Variants in NEDD4L observed in about 807,000 individuals in gnomAD.
NEDD4L encodes NEDD4 like E3 ubiquitin protein ligase.
NEDD4L carries 54 observed loss-of-function variants against 148.9 expected under a neutral mutation model. The observed-to-expected ratio is 0.36, with a 90% CI of 0.29 to 0.45. The LOEUF is 0.45. NEDD4L is among the 20% of genes least tolerant of loss of function. The pLI is 1.00. For missense variants in NEDD4L, 856 were observed against 1,233.8 expected (o/e 0.69, Z 4.59); for synonymous variants, 433 against 440.7 (o/e 0.98, Z 0.22).
At chr18:58,184,636 A>C (rs73450404) in intron 2 of NEDD4L, among the ~76,000 whole-genome samples, 1 of 152,190 alleles carries the variant, frequency 6.6e-6, no homozygotes, top group South Asian at 2.1e-4. Flanking sequence ...GGTTTAAGAA[A>C]GTGTTCTCCT....
At chr18:58,326,315 C>A (rs2059307653) in intron 9 of NEDD4L, among the ~76,000 whole-genome samples, 1 of 152,202 alleles carries the variant, frequency 6.6e-6, no homozygotes. Context: ...CTTTAGACTA[C>A]CCAGCACGGG....
intron 5 of NEDD4L, among the ~76,000 whole-genome samples, chr18:58,257,260 G>A (rs538373935): frequency 6.6e-6 from 1 of 152,208 alleles, no homozygotes; most frequent in Admixed American, 6.5e-5. Flanking sequence ...ATAGGTGAAC[G>A]TAAAGTTTAG....
At position 58,366,092 on chromosome 18, in the gene NEDD4L, G is replaced by A; in HGVS notation, c.1927G>A (p.Val643Ile). ...AATTATGTCCGTGAAAAGACCAGATGTCCTAAAAGCTAGACTGTGGATTGA... is the reference window on the plus strand; with the variant it reads ...AATTATGTCCGTGAAAAGACCAGATATCCTAAAAGCTAGACTGTGGATTGA... ...RRIMSVKRPD[V>I]LKARLWIEFE... Residue 643 changes from valine to isoleucine, a missense_variant, in exon 21 of 31, where the codon GTC becomes ATC. Physicochemically the swap from Val to Ile is conservative, Grantham distance 29 (BLOSUM62 3). Around this residue, in one of 4 missense-constraint regions of NEDD4L, gnomAD observed 286 missense variants for 531.8 expected, o/e 0.54. Coordinates refer to ENST00000400345, the MANE Select transcript of NEDD4L (RefSeq NM_001144967.3). This position sits in a 1 kb window ranked among gnomAD's most constrained non-coding sequence, Gnocchi z 4.2. The A allele has an allele frequency of 6.2e-7, 1 of 1,613,562 alleles. No homozygotes were observed. The highest frequency in any genetic ancestry group is 2.2e-5 in the East Asian group (1 of 44,888).
chr18:58,265,119 G>T (rs2050037509), intron 5 of NEDD4L, among the ~76,000 whole-genome samples: 1 of 151,934 alleles, frequency 6.6e-6, no homozygotes, highest in Non-Finnish European at 1.5e-5. Context: ...GGCAAGACTG[G>T]AACTAGATGC....
chr18:58,311,178 T>G (rs117045844), intron 5 of NEDD4L, among the ~76,000 whole-genome samples: 2,620 of 152,362 alleles, frequency 0.017, 34 homozygotes, highest in Middle Eastern at 0.031. Context: ...CACACATTTA[T>G]GTATGCATGT....
intron 24 of NEDD4L, among the ~76,000 whole-genome samples, chr18:58,373,548 T>G (rs1332123804): frequency 6.6e-6 from 1 of 152,254 alleles, no homozygotes; most frequent in Non-Finnish European, 1.5e-5. Context: ...ATGTTTCATT[T>G]GTGCCTCGGT....
chr18:58,248,724 T>A (rs899646656), intron 3 of NEDD4L, among the ~76,000 whole-genome samples, 175 bp from the exon 4 acceptor site: 10 of 152,196 alleles, frequency 6.6e-5, no homozygotes, highest in African/African-American at 2.4e-4. Context: ...GTTTCATAAA[T>A]ACATTCCCTC....
At chr18:58,052,276 G>C (rs1368529600) in intron 1 of NEDD4L, among the ~76,000 whole-genome samples, 1 of 152,142 alleles carries the variant, frequency 6.6e-6, no homozygotes, top group Non-Finnish European at 1.5e-5. Context: ...CAGGGCGTTT[G>C]GTGGTTGGCG....
At chr18:58,309,176 TC>T (rs2057387371) in intron 5 of NEDD4L, among the ~76,000 whole-genome samples, 2 of 152,058 alleles carry the variant, frequency 1.3e-5, no homozygotes. Context: ...GGCCTCAGTT[TC>T]CCTCCCCCCC....
chr18:58,083,907 T>G (rs766781914), intron 1 of NEDD4L, among the ~76,000 whole-genome samples: 2 of 152,120 alleles, frequency 1.3e-5, no homozygotes, highest in Non-Finnish European at 2.9e-5. Context: ...ATTTTTGTAT[T>G]CTTAGTAGAG....
chr18:58,251,856 G>A lies in NEDD4L; in HGVS notation c.244-145G>A, dbSNP rs1600251359. 4 of 599,756 alleles carry A rather than the reference G, an allele frequency of 6.7e-6. No homozygotes were observed. In the East Asian group the frequency reaches 1.1e-4, roughly 17 times the overall value. 37.2% of individuals were successfully genotyped at this position (599,756 alleles called of 1,614,324 possible). ...TAGGAAATTTGATTTAGTACACATA[G>A]AATTCCCAGAACAGCAGGATAATTG... On this transcript the variant is annotated intron_variant, in intron 4 of 30. Transcript: ENST00000400345.
intron 24 of NEDD4L, among the ~76,000 whole-genome samples, chr18:58,378,877 C>T (rs1357363049): frequency 1.3e-5 from 2 of 152,182 alleles, no homozygotes; most frequent in Non-Finnish European, 1.5e-5. Context: ...GTGTGGGAAT[C>T]GGGTTGTTAA....
At chr18:58,061,474 TG>T (rs2144696404) in intron 1 of NEDD4L, among the ~76,000 whole-genome samples, 2 of 43,108 alleles carry the variant, frequency 4.6e-5, no homozygotes, top group South Asian at 3.5e-3. Flanking sequence ...CATTGGACTG[TG>T]GGTTGTTTTT....
chr18:58,342,173 A>G (rs1206594335), intron 15 of NEDD4L, among the ~76,000 whole-genome samples: 1 of 152,022 alleles, frequency 6.6e-6, no homozygotes, highest in Non-Finnish European at 1.5e-5. Context: ...AAACATAGCT[A>G]TTGCTTTGAT....
rs1160832080 is a variant in NEDD4L at position 58,398,881 on chromosome 18, G to A, written c.*2612G>A. 3 of 152,382 alleles carry A rather than the reference G, an allele frequency of 2.0e-5. No homozygotes were observed. Among genetic ancestry groups the A allele is most frequent in the Admixed American group, 2.0e-4 (3 of 15,300 alleles). 9.4% of individuals were successfully genotyped at this position (152,382 alleles called of 1,614,324 possible). On this transcript the variant is annotated 3_prime_UTR_variant, in exon 31 of 31. Transcript: ENST00000400345. Reference sequence around the variant, plus strand: ...TCATTCCTTGGGCCCCGACCTGCCCGGGGAGTAGCCCTGGGGGAGAGAGGG... The same window carrying A: ...TCATTCCTTGGGCCCCGACCTGCCCAGGGAGTAGCCCTGGGGGAGAGAGGG...
At chr18:58,296,544 G>A (rs1227174196) in intron 5 of NEDD4L, among the ~76,000 whole-genome samples, 1 of 152,214 alleles carries the variant, frequency 6.6e-6, no homozygotes. Context: ...AGCTTCTGGG[G>A]GCTGCCAGCG....
intron 1 of NEDD4L, among the ~76,000 whole-genome samples, chr18:58,058,429 TTC>T (rs879353920): frequency 0.81 from 122,398 of 151,672 alleles, 49,959 homozygotes; most frequent in East Asian, 1. Context: ...ATGGAACTCT[TTC>T]ATCTTGCAAA....
chr18:58,221,231 G>T (rs1289463673), intron 2 of NEDD4L, among the ~76,000 whole-genome samples: 1 of 152,190 alleles, frequency 6.6e-6, no homozygotes, highest in Non-Finnish European at 1.5e-5. Context: ...GACCTCTACT[G>T]TTGGAAATGC....
chr18:58,317,787 C>T (rs2058423149), intron 6 of NEDD4L, among the ~76,000 whole-genome samples: 3 of 152,178 alleles, frequency 2.0e-5, no homozygotes, highest in Admixed American at 2.0e-4. Context: ...GAGGGTAGAG[C>T]CGTGAACGCC....
Sources: allele counts gnomAD v4.1 joint callset (sites outside exome capture counted in the v4.1 genomes callset), GRCh38; gene constraint gnomAD v4.1.1; regional missense constraint gnomAD v4.1.1; non-coding constraint Gnocchi (gnomAD v3.1); transcripts MANE v1.5; gene names NCBI Gene and HGNC (gene_info 2026-07-23, HGNC 2026-07-21).